The following STON2 variants were observed in gnomAD, a reference collection of about 807,000 sequenced individuals.
STON2 encodes stonin 2.
A neutral mutation model predicts 65.7 loss-of-function variants in STON2; 29 were observed. That is an observed-to-expected ratio of 0.44 (90% CI 0.33 to 0.60). The LOEUF (loss-of-function observed/expected upper bound fraction) is 0.60, where lower values mean the gene tolerates loss of function less well. Among genes scored for constraint, STON2 ranks in the 20% least tolerant of loss-of-function variants. The probability of loss-of-function intolerance (pLI) is 0.03; values close to 1 mark genes in which losing one functional copy is unlikely to be tolerated. For synonymous variants in STON2, 404 were observed against 414.2 expected (o/e 0.98, Z 0.30); for missense variants, 1,054 against 1,118.1 (o/e 0.94, Z 0.82).
intron 5 of STON2, among the ~76,000 whole-genome samples, chr14:81,321,160 T>A (rs1896808329): frequency 6.6e-6 from 1 of 152,306 alleles, no homozygotes; most frequent in East Asian, 1.9e-4. Flanking sequence ...CTAGCATCTC[T>A]ACAGCTAAGG....
At chr14:81,291,858 TACACACACACACACACACACACAC>T (rs59366676) in intron 5 of STON2, among the ~76,000 whole-genome samples, 17 of 137,726 alleles carry the variant, frequency 1.2e-4, no homozygotes, top group Non-Finnish European at 2.1e-4. Flanking sequence ...TTAGCATGGG[TACACACACACACACACACACACAC>T]ACACACACAC....
At chr14:81,410,632 G>T (rs1901110185) in intron 2 of STON2, among the ~76,000 whole-genome samples, 1 of 152,152 alleles carries the variant, frequency 6.6e-6, no homozygotes, top group Non-Finnish European at 1.5e-5. Context: ...CCCTGAGCAG[G>T]GAACCCATTC....
At chr14:81,389,671 T>C (rs909117806) in intron 3 of STON2, among the ~76,000 whole-genome samples, 2 of 152,222 alleles carry the variant, frequency 1.3e-5, no homozygotes, top group African/African-American at 4.8e-5. Context: ...AAGTTTCTCC[T>C]AGGTCAGTAG....
chr14:81,425,346 G>T (rs1901914228), intron 2 of STON2, among the ~76,000 whole-genome samples: 1 of 152,184 alleles, frequency 6.6e-6, no homozygotes, highest in Admixed American at 6.5e-5. Flanking sequence ...GAGGAGGAGG[G>T]AGGATCATTT....
intron 4 of STON2, among the ~76,000 whole-genome samples, chr14:81,327,543 A>G (rs1897045074): frequency 2.0e-5 from 3 of 152,236 alleles, no homozygotes; most frequent in Admixed American, 2.0e-4. Flanking sequence ...CTGGCGTTTG[A>G]TAAGTTCTGG....
intron 5 of STON2, among the ~76,000 whole-genome samples, chr14:81,317,175 G>A (rs1040901351): frequency 6.6e-6 from 1 of 152,208 alleles, no homozygotes; most frequent in Non-Finnish European, 1.5e-5. Context: ...CGTGGCAAGA[G>A]AAAGAGCAAG....
chr14:81,359,531 C>T (rs1290160239), intron 4 of STON2, among the ~76,000 whole-genome samples: 1 of 151,846 alleles, frequency 6.6e-6, no homozygotes, highest in African/African-American at 2.4e-5. Context: ...TAATAAAGAT[C>T]AAAGCAGAAA....
chr14:81,338,854 C>T (rs562290619), intron 4 of STON2, among the ~76,000 whole-genome samples: 2 of 152,276 alleles, frequency 1.3e-5, no homozygotes, highest in Admixed American at 6.5e-5. Flanking sequence ...TTGGTCTTTT[C>T]GATCCTCAAT....
intron 4 of STON2, among the ~76,000 whole-genome samples, chr14:81,330,033 T>C (rs1245690825): frequency 6.6e-6 from 1 of 152,190 alleles, no homozygotes; most frequent in Non-Finnish European, 1.5e-5. Flanking sequence ...CCATCCCACG[T>C]TGGGGGAGAA....
intron 4 of STON2, among the ~76,000 whole-genome samples, chr14:81,347,712 A>G (rs1897866777): frequency 6.9e-6 from 1 of 145,118 alleles, no homozygotes; most frequent in South Asian, 2.3e-4. Context: ...GAATCCAAAA[A>G]CACTAAAAAT....
At chr14:81,270,472 C>G (rs1894529495) in intron 7 of STON2, 198 bp downstream of exon 7, 9 of 1,485,904 alleles carry the variant, frequency 6.1e-6, no homozygotes, top group Non-Finnish European at 8.0e-6. Flanking sequence ...TTTTTCCAAC[C>G]TTTCTCTCAT....
At position 81,263,555 on chromosome 14, in the gene STON2, A is replaced by AAAAAAC. The variant is rs1566875856; in HGVS notation, c.*4853_*4858dup. On this transcript the variant is annotated 3_prime_UTR_variant, in exon 8 of 8. Transcript: ENST00000614646. ...TCCGTCTCAAAAAAAAAAAAAAAAA[A>AAAAAAC]AAAAACAAAAAAGAAAATGCTATTT... The AAAAAAC allele has an allele frequency of 2.1e-5, 4 of 192,110 alleles. No individual in the cohort carries two copies. Among genetic ancestry groups the AAAAAAC allele is most frequent in the Non-Finnish European group, 2.8e-5 (3 of 108,072 alleles). The allele number at this position is 192,110 out of a possible 1,614,324, so 11.9% of individuals were successfully genotyped here.
chr14:81,287,098 T>C (rs1368557017), intron 5 of STON2, among the ~76,000 whole-genome samples: 2 of 152,212 alleles, frequency 1.3e-5, no homozygotes, highest in African/African-American at 2.4e-5. Flanking sequence ...TCAAGTGATG[T>C]CATGCACTAA....
chr14:81,358,552 T>C (rs1898354186), intron 4 of STON2, among the ~76,000 whole-genome samples: 1 of 152,172 alleles, frequency 6.6e-6, no homozygotes, highest in Non-Finnish European at 1.5e-5. Context: ...TACCTATTAA[T>C]ACTTACCTTG....
At chr14:81,368,338 T>C (rs940592635) in intron 4 of STON2, among the ~76,000 whole-genome samples, 2 of 152,186 alleles carry the variant, frequency 1.3e-5, no homozygotes, top group African/African-American at 2.4e-5. Flanking sequence ...GCAGGATTGC[T>C]GTAAAAGCCA....
chr14:81,264,044 T>G lies in STON2; in HGVS notation c.*4370A>C. On this transcript the variant is annotated 3_prime_UTR_variant, in exon 8 of 8. Coordinates refer to ENST00000614646, the MANE Select transcript of STON2 (RefSeq NM_001394390.1). ...TACTGCATGAAGACTGGTTGTGCACTCTATCAAATGCTTTCTTTTCCTACT... is the reference window on the plus strand; with the variant it reads ...TACTGCATGAAGACTGGTTGTGCACGCTATCAAATGCTTTCTTTTCCTACT... The G allele has an allele frequency of 1.0e-6, 1 of 985,456 alleles. No individual in the cohort carries two copies. Among genetic ancestry groups the G allele is most frequent in the Non-Finnish European group, 1.2e-6 (1 of 829,950 alleles). The allele number at this position is 985,456 out of a possible 1,614,324, so 61.0% of individuals were successfully genotyped here.
chr14:81,409,048 A>G (rs912513952), intron 2 of STON2, among the ~76,000 whole-genome samples: 3 of 152,216 alleles, frequency 2.0e-5, no homozygotes, highest in African/African-American at 7.2e-5. Flanking sequence ...TTTCTTATCT[A>G]TATTTTAGAG....
At chr14:81,314,321 G>C (rs1295630017) in intron 5 of STON2, among the ~76,000 whole-genome samples, 6 of 152,190 alleles carry the variant, frequency 3.9e-5, no homozygotes, top group Non-Finnish European at 7.3e-5. Flanking sequence ...GGCAGTGATG[G>C]GGGCCCTTGA....
At chr14:81,303,614 G>A (rs1299670188) in intron 5 of STON2, among the ~76,000 whole-genome samples, 3 of 152,128 alleles carry the variant, frequency 2.0e-5, no homozygotes, top group Non-Finnish European at 4.4e-5. Flanking sequence ...ACACAGGAAG[G>A]GTCTGCTTCC....
Sources: gnomAD v4.1 joint callset for allele counts (sites outside exome capture counted in the v4.1 genomes callset) on GRCh38, gnomAD v4.1.1 for gene constraint, MANE v1.5 for transcripts, NCBI Gene and HGNC (gene_info 2026-07-23, HGNC 2026-07-21) for gene names.